LRRC63: variants seen among roughly 807,000 people sequenced by gnomAD.
The protein encoded by LRRC63 is leucine-rich repeat-containing protein 63.
LRRC63 carries 40 observed loss-of-function variants against 49.5 expected under a neutral mutation model. The ratio of observed to expected loss-of-function variants is 0.81; its 90% CI spans 0.63 to 1.05. LRRC63 has a LOEUF of 1.05. LRRC63 is among the 50% of genes least tolerant of loss of function. LRRC63 has a pLI of 0.00. For missense variants in LRRC63, 636 were observed against 663.1 expected (o/e 0.96, Z 0.45); for synonymous variants, 191 against 221.1 (o/e 0.86, Z 1.21).
At position 46,246,628 on chromosome 13, in the gene LRRC63, G is replaced by A; in HGVS notation, c.1089+3G>A. On this transcript the variant is annotated splice_donor_region_variant and intron_variant, in intron 6 of 9. Coordinates refer to ENST00000595396, the Ensembl canonical transcript of LRRC63. Reference sequence around the variant, plus strand: ...ATCTTCATTACTTTCCCACAGAAGTGAGTCAACTTTTATTGTTATGTACTG... The same window carrying A: ...ATCTTCATTACTTTCCCACAGAAGTAAGTCAACTTTTATTGTTATGTACTG... 2 of 1,359,828 alleles carry A rather than the reference G, an allele frequency of 1.5e-6. No individual in the cohort carries two copies. The highest frequency in any genetic ancestry group is 1.9e-6 in the Non-Finnish European group (2 of 1,036,072). The allele number at this position is 1,359,828 out of a possible 1,614,324, so 84.2% of individuals were successfully genotyped here. A position where few individuals can be genotyped will look rare whatever the true frequency, so the allele number is the denominator to read the frequency against.
At position 46,221,415 on chromosome 13, in the gene LRRC63, A is replaced by G. The variant is rs187208752; in HGVS notation, c.86-6097A>G. ...ATCACACAAAAAGGTGAGGTAAAGTAGATCCTGTTCACTTAGATTTTTATA... is the reference window on the plus strand; with the variant it reads ...ATCACACAAAAAGGTGAGGTAAAGTGGATCCTGTTCACTTAGATTTTTATA... On this transcript the variant is annotated intron_variant, in intron 2 of 9. Coordinates refer to ENST00000595396, the Ensembl canonical transcript of LRRC63. Among the ~76,000 whole-genome samples the G allele has an allele frequency of 3.3e-4, 51 of 152,342 alleles. No homozygotes were observed. The East Asian group carries it at 9.8e-3, about 29-fold the overall frequency.
chr13:46,247,988 A>G (rs1462805955), intron 6 of LRRC63, among the ~76,000 whole-genome samples: 1 of 152,078 alleles, frequency 6.6e-6, no homozygotes, highest in Non-Finnish European at 1.5e-5. Context: ...ATTATAGACA[A>G]AAAAGGAAGA....
chr13:46,271,993 C>A (rs11619119), intron 9 of LRRC63, among the ~76,000 whole-genome samples: 10,069 of 152,022 alleles, frequency 0.066, 431 homozygotes, highest in African/African-American at 0.12. Flanking sequence ...ATAATTATAA[C>A]AGTATGCCAG....
chr13:46,236,973 A>G (rs2046921113), intron 5 of LRRC63, among the ~76,000 whole-genome samples: 1 of 152,178 alleles, frequency 6.6e-6, no homozygotes, highest in Non-Finnish European at 1.5e-5. Context: ...TTTGGTATCA[A>G]TCCAAACTAC....
At chr13:46,239,737 A>T (rs190144781) in intron 5 of LRRC63, among the ~76,000 whole-genome samples, 241 of 152,342 alleles carry the variant, frequency 1.6e-3, no homozygotes, top group South Asian at 4.6e-3. Context: ...ATGAACACTG[A>T]TGCAAAAATC....
exon 6 of LRRC63, chr13:46,246,577 G>A: frequency 6.8e-7 from 1 of 1,471,044 alleles, no homozygotes; most frequent in South Asian, 1.4e-5. Flanking sequence ...CTTTCCAGTT[G>A]ATATATCTTA....
At position 46,248,881 on chromosome 13, in the gene LRRC63, T is replaced by C. The variant is rs1313997018; in HGVS notation, c.1090-1474T>C. ...GTAGAACATTTTCCAGGATAAATCA[T>C]ATGTTAGGCTACAAAATCAGTCTCA... is the stretch of plus-strand genomic sequence containing the variant. On this transcript the variant is annotated intron_variant, in intron 6 of 9. Transcript: ENST00000595396. 3.4e-5 allele frequency among the ~76,000 whole-genome samples: 5 copies of C among 148,778 alleles called. No individual in the cohort carries two copies. The Admixed American group carries it at 3.4e-4, about 10-fold the overall frequency.
At chr13:46,214,188 T>C (rs2046179517) in intron 2 of LRRC63, among the ~76,000 whole-genome samples, 1 of 152,220 alleles carries the variant, frequency 6.6e-6, no homozygotes, top group South Asian at 2.1e-4. Flanking sequence ...ATTGCAGTTT[T>C]AGTGTCAACA....
chr13:46,231,217 A>G (rs1333487349), intron 4 of LRRC63, among the ~76,000 whole-genome samples: 2 of 152,150 alleles, frequency 1.3e-5, no homozygotes, highest in African/African-American at 4.8e-5. Flanking sequence ...TGGCTTCCAC[A>G]TTTTCATGTA....
chr13:46,270,089 C>G (rs1054712780), intron 9 of LRRC63: 3 of 608,352 alleles, frequency 4.9e-6, no homozygotes, highest in African/African-American at 3.7e-5. Context: ...GGCTACCGAG[C>G]GCCAAACCGC....
chr13:46,255,120 CAAT>C (rs574989437), intron 7 of LRRC63, among the ~76,000 whole-genome samples: 88 of 150,434 alleles, frequency 5.8e-4, no homozygotes, highest in Non-Finnish European at 1.2e-3. Flanking sequence ...GCTACAACAA[CAAT>C]GAGCCTTGAA....
intron 5 of LRRC63, among the ~76,000 whole-genome samples, chr13:46,240,126 C>CTT (rs35181820): frequency 8.6e-4 from 104 of 120,882 alleles, no homozygotes; most frequent in Non-Finnish European, 1.4e-3. Flanking sequence ...CTCTCTTTTT[C>CTT]TTTTTTTTTT....
chr13:46,246,464 T>A (rs1345718322), intron 5 of LRRC63, 63 bp from the exon 6 acceptor site: 1 of 723,610 alleles, frequency 1.4e-6, no homozygotes, highest in African/African-American at 1.8e-5. Flanking sequence ...TGTTTTACTC[T>A]TGTATAAACT....
At chr13:46,227,621 A>G in exon 3 of LRRC63, 1 of 1,549,952 alleles carries the variant, frequency 6.5e-7, no homozygotes, top group African/African-American at 1.4e-5. Flanking sequence ...ATCAATCACT[A>G]ACACCTATCA....
chr13:46,231,517 C>CT (rs967544918), intron 4 of LRRC63, among the ~76,000 whole-genome samples: 31 of 144,232 alleles, frequency 2.1e-4, no homozygotes, highest in South Asian at 1.1e-3. Flanking sequence ...TTTCTTTTTT[C>CT]TTTTTTTTTT....
chr13:46,228,535 C>A, intron 3 of LRRC63, 130 bp from the exon 4 acceptor site: 1 of 646,870 alleles, frequency 1.5e-6, no homozygotes, highest in Admixed American at 2.8e-5. Flanking sequence ...CTGATAGACG[C>A]CTTCATGAAT....
At chr13:46,224,507 G>T (rs1246684737) in intron 2 of LRRC63, among the ~76,000 whole-genome samples, 1 of 151,960 alleles carries the variant, frequency 6.6e-6, no homozygotes, top group East Asian at 1.9e-4. Flanking sequence ...GAATTCTCTT[G>T]TATCTAACTG....
chr13:46,276,557 T>G (rs2047839974), intron 9 of LRRC63, 33 bp from the exon 10 acceptor site: 2 of 1,077,600 alleles, frequency 1.9e-6, no homozygotes, highest in East Asian at 6.5e-5. Context: ...TAAAAATTTA[T>G]TAAATATTGA....
intron 2 of LRRC63, among the ~76,000 whole-genome samples, chr13:46,219,815 C>G (rs2138362667): frequency 6.6e-6 from 1 of 152,242 alleles, no homozygotes; most frequent in South Asian, 2.1e-4. Flanking sequence ...GATGTTGATG[C>G]TATTCCTTTC....
Sources: allele counts gnomAD v4.1 joint callset (sites outside exome capture counted in the v4.1 genomes callset), GRCh38; gene constraint gnomAD v4.1.1; transcripts MANE v1.5; gene names NCBI Gene and HGNC (gene_info 2026-07-23, HGNC 2026-07-21).